The following ERMP1 variants were observed in gnomAD, a reference collection of about 807,000 sequenced individuals.
ERMP1 encodes endoplasmic reticulum metallopeptidase 1.
A neutral mutation model predicts 92.0 loss-of-function variants in ERMP1; 86 were observed. The observed-to-expected ratio is 0.93, with a 90% CI of 0.79 to 1.12. The LOEUF (loss-of-function observed/expected upper bound fraction) is 1.12. Among genes scored for constraint, ERMP1 ranks in the 50% most tolerant of loss-of-function variants. The pLI, the probability that ERMP1 is intolerant of heterozygous loss-of-function variation, is 0.00. For missense variants in ERMP1, 1,342 were observed against 1,116.3 expected, an observed-to-expected ratio of 1.20 and a Z score of -2.88; for synonymous variants, 530 against 412.8, an observed-to-expected ratio of 1.28 and a Z score of -3.44.
intron 2 of ERMP1, among the ~76,000 whole-genome samples, chr9:5,828,996 A>C (rs1343407466): frequency 1.3e-5 from 2 of 151,944 alleles, no homozygotes; most frequent in Non-Finnish European, 2.9e-5. Flanking sequence ...ATAATCTCAG[A>C]AATTTGGGAG....
At chr9:5,806,033 T>G (rs958456999) in intron 8 of ERMP1, among the ~76,000 whole-genome samples, 7 of 152,238 alleles carry the variant, frequency 4.6e-5, no homozygotes, top group Non-Finnish European at 8.8e-5. Flanking sequence ...TACTCTATGC[T>G]TTTCTTCTAC....
At chr9:5,857,819 T>G (rs1355212071) in intron 6 of ERMP1, among the ~76,000 whole-genome samples, 1 of 152,226 alleles carries the variant, frequency 6.6e-6, no homozygotes, top group Admixed American at 6.5e-5. Flanking sequence ...TCATCAAGTG[T>G]TTACTAAGCA....
At chr9:5,813,979 T>C (rs1829208927) in intron 4 of ERMP1, among the ~76,000 whole-genome samples, 1 of 151,772 alleles carries the variant, frequency 6.6e-6, no homozygotes. Context: ...TCTTGCCACA[T>C]ACCTTGTAAT....
chr9:5,832,599 A>T, intron 1 of ERMP1, 91 bp downstream of exon 1: 1 of 1,050,864 alleles, frequency 9.5e-7, no homozygotes, highest in Non-Finnish European at 1.3e-6. Flanking sequence ...GCGGTCCGGC[A>T]GGGGCGGGTG....
intron 8 of ERMP1, among the ~76,000 whole-genome samples, chr9:5,806,945 C>CA (rs1174422424): frequency 6.6e-6 from 1 of 152,170 alleles, no homozygotes; most frequent in East Asian, 1.9e-4. Flanking sequence ...CCGCTCCCAA[C>CA]AATGAAAGAT....
At chr9:5,849,413 C>T (rs760419324) in intron 6 of ERMP1, among the ~76,000 whole-genome samples, 2 of 152,084 alleles carry the variant, frequency 1.3e-5, no homozygotes, top group African/African-American at 2.4e-5. Flanking sequence ...CAACCTGGTC[C>T]GGGGGAGGAG....
At chr9:5,865,441 G>C (rs1830625843) in intron 5 of ERMP1, among the ~76,000 whole-genome samples, 1 of 151,874 alleles carries the variant, frequency 6.6e-6, no homozygotes, top group South Asian at 2.1e-4. Context: ...CCGGGAGGCG[G>C]AGCTTGCAGT....
At position 5,823,945 on chromosome 9, in the gene ERMP1, A is replaced by G. The variant is rs754430556; in HGVS notation, c.825T>C (p.Ile275=). The G allele has an allele frequency of 6.2e-7, 1 of 1,614,168 alleles. No individual in the cohort carries two copies. Among genetic ancestry groups the G allele is most frequent in the Non-Finnish European group, 8.5e-7 (1 of 1,179,988 alleles). The change falls in exon 4 of 15, where the codon ATT becomes ATC. Residue 275 remains isoleucine (I), a synonymous_variant. Transcript: ENST00000339450. Reference sequence around the variant, plus strand: ...CTCCTACACCTGCTGCCTCTAGGTTAATGAATGCACGAATCAAGCTAGCCC... The same window carrying G: ...CTCCTACACCTGCTGCCTCTAGGTTGATGAATGCACGAATCAAGCTAGCCC... ...HPWASLIRAF[I]NLEAAGVGGK...
chr9:5,789,351 T>C (rs1369346545), intron 13 of ERMP1, among the ~76,000 whole-genome samples: 2 of 152,280 alleles, frequency 1.3e-5, no homozygotes, highest in East Asian at 3.9e-4. Flanking sequence ...AAGGCAACAA[T>C]GGAACAACAA....
At chr9:5,810,614 T>G (rs555498533) in intron 7 of ERMP1, among the ~76,000 whole-genome samples, 47 of 152,204 alleles carry the variant, frequency 3.1e-4, no homozygotes, top group African/African-American at 1.0e-3. Context: ...TAAGGTAACA[T>G]AAGAAGATAA....
At chr9:5,854,571 G>A (rs891017918) in intron 6 of ERMP1, among the ~76,000 whole-genome samples, 11 of 152,028 alleles carry the variant, frequency 7.2e-5, no homozygotes, top group Non-Finnish European at 1.0e-4. Flanking sequence ...TCACTGTGTC[G>A]CCCAGGCTGG....
intron 6 of ERMP1, among the ~76,000 whole-genome samples, chr9:5,841,757 T>C (rs925291799): frequency 1.3e-5 from 2 of 152,176 alleles, no homozygotes; most frequent in South Asian, 2.1e-4. Context: ...CGCCAATGTG[T>C]GTCCGGAACT....
intron 6 of ERMP1, among the ~76,000 whole-genome samples, chr9:5,849,085 C>G (rs945772599): frequency 6.6e-6 from 1 of 152,152 alleles, no homozygotes; most frequent in African/African-American, 2.4e-5. Context: ...TGCAGTGGCA[C>G]GATCTTGGCT....
intron 8 of ERMP1, among the ~76,000 whole-genome samples, chr9:5,809,349 A>C (rs1829001334): frequency 6.6e-6 from 1 of 152,186 alleles, no homozygotes; most frequent in South Asian, 2.1e-4. Context: ...ATTTTTGCCA[A>C]ACAAATTTAT....
At chr9:5,805,316 G>C in intron 9 of ERMP1, 99 bp from the exon 10 acceptor site, 1 of 878,862 alleles carries the variant, frequency 1.1e-6, no homozygotes, top group African/African-American at 1.7e-5. Context: ...ACAGAAATTA[G>C]GTTAGATGTG....
chr9:5,791,326 G>C, intron 13 of ERMP1: 1 of 456,008 alleles, frequency 2.2e-6, no homozygotes, highest in Non-Finnish European at 4.4e-6. Context: ...CAGTCTGCTA[G>C]CAGAATTCCC....
In ERMP1 at chr9:5,810,215, C is replaced by G. The variant is rs1308835098; in HGVS notation, c.1344G>C (p.Lys448Asn). The change falls in exon 8 of 15, where the codon AAG becomes AAC. Residue 448 changes from lysine (K) to asparagine (N), a missense_variant. Coordinates refer to ENST00000339450, the MANE Select transcript of ERMP1 (RefSeq NM_024896.3). ...TGATGCCAAGTCCACACAAGAAGTC[C>G]TTCTTGTAGTTACCAGCTAATGAAG... ...QPKHKTGNYK[K>N]DFLCGLGITL... is the part of the protein sequence containing the mutation. 119 of 1,613,554 alleles carry G rather than the reference C, an allele frequency of 7.4e-5. No homozygotes were observed. The highest frequency in any genetic ancestry group is 9.7e-5 in the Non-Finnish European group (114 of 1,179,840).
At chr9:5,839,020 G>A (rs1409967604) in intron 6 of ERMP1, among the ~76,000 whole-genome samples, 1 of 152,202 alleles carries the variant, frequency 6.6e-6, no homozygotes, top group African/African-American at 2.4e-5. Context: ...TGCCTAGGAA[G>A]GCACTTGTCT....
At chr9:5,861,541 C>T (rs778253478) in intron 5 of ERMP1, among the ~76,000 whole-genome samples, 137 of 151,816 alleles carry the variant, frequency 9.0e-4, no homozygotes, top group Middle Eastern at 3.2e-3. Flanking sequence ...AAAGCAGATT[C>T]CTTTCTCACT....
Sources: gnomAD v4.1 joint callset for allele counts (sites outside exome capture counted in the v4.1 genomes callset) on GRCh38, gnomAD v4.1.1 for gene constraint, MANE v1.5 for transcripts, NCBI Gene and HGNC (gene_info 2026-07-23, HGNC 2026-07-21) for gene names.